PRKD1: variants seen among roughly 807,000 people sequenced by gnomAD.
PRKD1 encodes protein kinase D1.
Under a neutral mutation model 95.9 loss-of-function variants are expected in PRKD1, and 63 were observed. The ratio of observed to expected loss-of-function variants is 0.66; its 90% CI spans 0.54 to 0.81. The LOEUF is 0.81. Among genes scored for constraint, PRKD1 ranks in the 30% least tolerant of loss-of-function variants. The pLI is 0.00. For missense variants in PRKD1, 1,048 were observed against 1,165.3 expected (o/e 0.90, Z 1.47); for synonymous variants, 425 against 423.1 (o/e 1.00, Z -0.05).
chr14:29,759,192 G>C (rs1377053063), intron 1 of PRKD1, among the ~76,000 whole-genome samples: 2 of 152,000 alleles, frequency 1.3e-5, no homozygotes, highest in African/African-American at 4.8e-5. Context: ...AGTGAGTGTG[G>C]ATTAGGTGCA....
At chr14:29,736,901 C>A (rs1470972674) in intron 1 of PRKD1, among the ~76,000 whole-genome samples, 2 of 152,072 alleles carry the variant, frequency 1.3e-5, no homozygotes, top group Non-Finnish European at 2.9e-5. Context: ...CAACGGGAAA[C>A]CTAAGGAACA....
At chr14:29,610,160 C>A (rs1453989626) in intron 13 of PRKD1, among the ~76,000 whole-genome samples, 1 of 151,976 alleles carries the variant, frequency 6.6e-6, no homozygotes, top group East Asian at 1.9e-4. Context: ...CATCACAGGG[C>A]ATCCTTCAGA....
At chr14:29,622,236 C>T (rs1249563514) in intron 13 of PRKD1, among the ~76,000 whole-genome samples, 3 of 152,024 alleles carry the variant, frequency 2.0e-5, no homozygotes, top group Admixed American at 1.3e-4. Context: ...TCTGGCCCAC[C>T]GCACACCTCC....
chr14:29,715,400 G>T (rs1594453410), intron 2 of PRKD1, among the ~76,000 whole-genome samples: 1 of 152,118 alleles, frequency 6.6e-6, no homozygotes, highest in Non-Finnish European at 1.5e-5. Context: ...TGTGGCTATT[G>T]TGACTTAGGG....
intron 4 of PRKD1, among the ~76,000 whole-genome samples, chr14:29,649,879 C>T (rs909548787): frequency 7.2e-5 from 11 of 152,098 alleles, no homozygotes; most frequent in African/African-American, 2.7e-4. Flanking sequence ...CTTTTTAGAC[C>T]AATTAGACCT....
intron 1 of PRKD1, among the ~76,000 whole-genome samples, chr14:29,888,814 G>GTTT (rs1893834253): frequency 6.6e-6 from 1 of 152,188 alleles, no homozygotes; most frequent in Non-Finnish European, 1.5e-5. Context: ...AAAGTCCTGA[G>GTTT]CATTAATTCA....
chr14:29,642,270 T>C (rs773202933), intron 4 of PRKD1, among the ~76,000 whole-genome samples: 2 of 152,154 alleles, frequency 1.3e-5, no homozygotes, highest in African/African-American at 4.8e-5. Flanking sequence ...CAATGACATA[T>C]TTTGTCATTA....
chr14:29,789,827 C>G (rs1042289787), intron 1 of PRKD1, among the ~76,000 whole-genome samples: 1 of 152,072 alleles, frequency 6.6e-6, no homozygotes, highest in South Asian at 2.1e-4. Flanking sequence ...ACCCAAATGA[C>G]ACATGAGTGT....
chr14:29,669,444 T>C (rs759606857), intron 2 of PRKD1, among the ~76,000 whole-genome samples: 10 of 151,888 alleles, frequency 6.6e-5, no homozygotes, highest in Admixed American at 1.3e-4. Flanking sequence ...GAAGCTTTGC[T>C]GTGGGCATTT....
chr14:29,904,126 C>A (rs575362293), intron 1 of PRKD1, among the ~76,000 whole-genome samples: 1 of 152,202 alleles, frequency 6.6e-6, no homozygotes, highest in African/African-American at 2.4e-5. Context: ...AGCCTCTAGG[C>A]TGAAATCCCT....
Position 29,922,117 on chromosome 14 carries a change from C to G in PRKD1, c.264+5132G>C, listed in dbSNP as rs541797028. 2.6e-5 allele frequency among the ~76,000 whole-genome samples: 4 copies of G among 151,684 alleles called. No individual in the cohort carries two copies. The East Asian group carries it at 7.8e-4, about 30-fold the overall frequency. On this transcript the variant is annotated intron_variant, in intron 1 of 17. Transcript: ENST00000331968. ...GAGATCGAGACCATCCTGGATAACACGGTGAAACCCCATCTCTACTAAAAA... is the reference window on the plus strand; with the variant it reads ...GAGATCGAGACCATCCTGGATAACAGGGTGAAACCCCATCTCTACTAAAAA...
At chr14:29,713,065 G>GTAT (rs750747749) in intron 2 of PRKD1, among the ~76,000 whole-genome samples, 15 of 152,100 alleles carry the variant, frequency 9.9e-5, no homozygotes, top group Non-Finnish European at 1.6e-4. Context: ...AGGGTATGAA[G>GTAT]TATTCTGCCT....
intron 1 of PRKD1, among the ~76,000 whole-genome samples, chr14:29,877,698 T>C (rs1893349812): frequency 6.6e-6 from 1 of 152,232 alleles, no homozygotes; most frequent in Non-Finnish European, 1.5e-5. Flanking sequence ...TTCACTCTTC[T>C]GCATATGGCT....
intron 2 of PRKD1, among the ~76,000 whole-genome samples, chr14:29,709,206 A>C (rs1047249138): frequency 6.6e-6 from 1 of 152,232 alleles, no homozygotes; most frequent in Non-Finnish European, 1.5e-5. Context: ...TTACTAGTAA[A>C]GAATTTTAAA....
At chr14:29,707,374 T>C (rs1041110634) in intron 2 of PRKD1, among the ~76,000 whole-genome samples, 10 of 152,290 alleles carry the variant, frequency 6.6e-5, no homozygotes, top group African/African-American at 2.2e-4. Context: ...AGTTATTTAA[T>C]AGAAGGTAAT....
At position 29,638,508 on chromosome 14, in the gene PRKD1, G is replaced by C; in HGVS notation, c.966C>G (p.Gly322=). ...CAPKVPNNCL[G]EVTINGDLLS... ...ACCTACCTCCATTAATGGTCACTTC[G>C]CCAAGGCAGTTGTTTGGTACTTTCG... Residue 322 remains glycine (G), a synonymous_variant, in exon 6 of 18, where the codon GGC becomes GGG. Transcript: ENST00000331968. 1 of 1,614,108 alleles carries C rather than the reference G, an allele frequency of 6.2e-7. No individual in the cohort carries two copies. The highest frequency in any genetic ancestry group is 8.5e-7 in the Non-Finnish European group (1 of 1,179,986).
chr14:29,924,818 T>C (rs1336066391), intron 1 of PRKD1, among the ~76,000 whole-genome samples: 1 of 152,128 alleles, frequency 6.6e-6, no homozygotes, highest in Non-Finnish European at 1.5e-5. Flanking sequence ...AACTCCACAC[T>C]GACACTCTGC....
intron 3 of PRKD1, among the ~76,000 whole-genome samples, chr14:29,664,403 T>G (rs1190851768): frequency 1.3e-5 from 2 of 152,100 alleles, no homozygotes; most frequent in African/African-American, 4.8e-5. Context: ...ACATGGTAGG[T>G]GATCAATAAT....
intron 2 of PRKD1, among the ~76,000 whole-genome samples, chr14:29,714,084 C>A (rs957992227): frequency 1.1e-4 from 16 of 152,024 alleles, no homozygotes; most frequent in East Asian, 5.8e-4. Flanking sequence ...TGACTTACAC[C>A]AGTATTAAAA....
Sources: gnomAD v4.1 joint callset for allele counts (sites outside exome capture counted in the v4.1 genomes callset) on GRCh38, gnomAD v4.1.1 for gene constraint, MANE v1.5 for transcripts, NCBI Gene and HGNC (gene_info 2026-07-23, HGNC 2026-07-21) for gene names.